The following LMO4 variants were observed in gnomAD, a reference collection of about 807,000 sequenced individuals.
The protein encoded by LMO4 is LIM domain transcription factor LMO4.
A neutral mutation model predicts 18.5 loss-of-function variants in LMO4; 3 were observed. The observed-to-expected ratio is 0.16, with a 90% CI of 0.07 to 0.42. The LOEUF (loss-of-function observed/expected upper bound fraction) is 0.42. Among genes scored for constraint, LMO4 ranks in the 10% least tolerant of loss-of-function variants. The pLI is 0.99. For synonymous variants in LMO4, 100 were observed against 88.1 expected (o/e 1.14, Z -0.76); for missense variants, 121 against 219.9 (o/e 0.55, Z 2.84).
chr1:87,330,617 G>A (rs1650110377), intron 1 of LMO4, among the ~76,000 whole-genome samples: 2 of 152,172 alleles, frequency 1.3e-5, no homozygotes, highest in African/African-American at 4.8e-5. Context: ...AGGAACCCGA[G>A]TCCTTGTTTC....
chr1:87,348,814 C>T lies in LMO4; in HGVS notation c.*4018C>T, dbSNP rs1056645302. ...ATTCTGCTGAGAATGGACGGCAACT[C>T]GGAGGCCTCAAGCCAATAATGTACT... On this transcript the variant is annotated 3_prime_UTR_variant, in exon 5 of 5. Transcript: ENST00000370544. 1.0e-4 allele frequency: 51 copies of T among 490,988 alleles called. No individual in the cohort carries two copies. Among genetic ancestry groups the T allele is most frequent in the South Asian group, 5.3e-4 (36 of 67,932 alleles). The allele number at this position is 490,988 out of a possible 1,614,324, so 30.4% of individuals were successfully genotyped here.
intron 2 of LMO4, among the ~76,000 whole-genome samples, chr1:87,333,755 A>C (rs141484790): frequency 3.3e-5 from 5 of 152,306 alleles, no homozygotes; most frequent in Admixed American, 2.6e-4. Flanking sequence ...ATGTTGGAAA[A>C]TCAGCAGGAA....
chr1:87,348,689 A>G lies in LMO4; in HGVS notation c.*3893A>G. 2.0e-6 allele frequency: 1 copy of G among 504,242 alleles called. No individual in the cohort carries two copies. Among genetic ancestry groups the G allele is most frequent in the Non-Finnish European group, 4.0e-6 (1 of 252,272 alleles). 31.2% of individuals were successfully genotyped at this position (504,242 alleles called of 1,614,324 possible). ...CTGATTTTTGGAAGGTGAACTTGCAACTTACCTCAAGTGAATACTGTTTTC... is the reference window on the plus strand; with the variant it reads ...CTGATTTTTGGAAGGTGAACTTGCAGCTTACCTCAAGTGAATACTGTTTTC... On this transcript the variant is annotated 3_prime_UTR_variant, in exon 5 of 5. Transcript: ENST00000370544.
At position 87,332,272 on chromosome 1, in the gene LMO4, C is replaced by T. The variant is rs538351530; in HGVS notation, c.236+21C>T. Reference sequence around the variant, plus strand: ...ATTAGGTAAGACTTTGCTGTCTTTCCTGGAGATGGGGGGAAGAGCAATGGC... The same window carrying T: ...ATTAGGTAAGACTTTGCTGTCTTTCTTGGAGATGGGGGGAAGAGCAATGGC... On this transcript the variant is annotated intron_variant, in intron 2 of 4. Coordinates refer to ENST00000370544, the MANE Select transcript of LMO4 (RefSeq NM_006769.4). 60 of 1,582,870 alleles carry T rather than the reference C, an allele frequency of 3.8e-5. No individual in the cohort carries two copies. The South Asian group carries it at 6.4e-4, about 17-fold the overall frequency.
intron 2 of LMO4, among the ~76,000 whole-genome samples, chr1:87,333,960 A>C (rs889636403): frequency 9.2e-5 from 14 of 152,052 alleles, no homozygotes; most frequent in African/African-American, 3.4e-4. Context: ...AAAAAACAAA[A>C]AACAAAAAAA....
rs1650172158 is a variant in LMO4, at chr1:87,332,066, C to T, written c.51C>T (p.Ser17=). The T allele has an allele frequency of 6.2e-7, 1 of 1,613,572 alleles. No individual in the cohort carries two copies. Among genetic ancestry groups the T allele is most frequent in the Admixed American group, 1.7e-5 (1 of 60,002 alleles). Residue 17 remains serine (S), a synonymous_variant, in exon 2 of 5, where the codon TCC becomes TCT. Transcript: ENST00000370544. ...SSQPPPVTAG[S]LSWKRCAGCG... ...AGCCGCCCCCGGTGACGGCCGGCTC[C>T]CTCTCCTGGAAGCGGTGCGCAGGCT...
rs576395451 is a variant in LMO4, at chr1:87,339,662, A to T, written c.333+30A>T. 1,319 of 1,427,654 alleles carry T rather than the reference A, an allele frequency of 9.2e-4. 7 individuals carry two copies. The African/African-American group carries it at 0.017, about 18-fold the overall frequency. 88.4% of individuals were successfully genotyped at this position (1,427,654 alleles called of 1,614,324 possible). A position where few individuals can be genotyped will look rare whatever the true frequency, so the allele number is the denominator to read the frequency against. ...TATTTGCATCTCTCTTTTTTTTTTA[A>T]AAAAAAAATCATACCTTTCCTACCT... On this transcript the variant is annotated intron_variant, in intron 3 of 4. Transcript: ENST00000370544.
chr1:87,331,862 C>A (rs987341392), intron 1 of LMO4, 151 bp from the exon 2 acceptor site: 33 of 625,410 alleles, frequency 5.3e-5, no homozygotes, highest in Admixed American at 1.5e-4. Flanking sequence ...CCCTCTCCCC[C>A]TCAGCCTCCT....
At chr1:87,337,144 C>G (rs181866895) in intron 2 of LMO4, among the ~76,000 whole-genome samples, 4 of 152,308 alleles carry the variant, frequency 2.6e-5, no homozygotes, top group African/African-American at 9.6e-5. Context: ...TCCATTGATA[C>G]GTTGTTCAAT....
chr1:87,330,494 AG>A (rs1362570509), intron 1 of LMO4, among the ~76,000 whole-genome samples: 1 of 152,186 alleles, frequency 6.6e-6, no homozygotes, highest in African/African-American at 2.4e-5. Flanking sequence ...CCAAAGTCTC[AG>A]GGTTTTGTTA....
rs139992275 is a variant in LMO4 at position 87,339,578 on chromosome 1, G to T, written c.279G>T (p.Ser93=). 9 of 1,613,810 alleles carry T rather than the reference G, an allele frequency of 5.6e-6. No individual in the cohort carries two copies. The highest frequency in any genetic ancestry group is 5.3e-5 in the African/African-American group (4 of 74,888). ...GTGCTTGCAGCGCTTGCGGACAGTC[G>T]ATTCCTGCGAGTGAACTCGTCATGA... The part of the protein sequence containing the change: ...NSGACSACGQ[S]IPASELVMRA... Residue 93 remains serine, a synonymous_variant, in exon 3 of 5, where the codon TCG becomes TCT. Transcript: ENST00000370544.
At chr1:87,339,761 AT>A in intron 3 of LMO4, 129 bp downstream of exon 3, 1 of 696,216 alleles carries the variant, frequency 1.4e-6, no homozygotes, top group Non-Finnish European at 2.5e-6. Flanking sequence ...AATGATTGAA[AT>A]TGTAGCATGG....
Position 87,348,829 on chromosome 1 carries a change from A to G in LMO4, c.*4033A>G. The G allele has an allele frequency of 2.1e-6, 1 of 481,926 alleles. No individual in the cohort carries two copies. Among genetic ancestry groups the G allele is most frequent in the Non-Finnish European group, 4.2e-6 (1 of 240,538 alleles). 29.9% of individuals were successfully genotyped at this position (481,926 alleles called of 1,614,324 possible). Reference sequence around the variant, plus strand: ...GACGGCAACTCGGAGGCCTCAAGCCAATAATGTACTACAGGCCCTGACATG... The same window carrying G: ...GACGGCAACTCGGAGGCCTCAAGCCGATAATGTACTACAGGCCCTGACATG... On this transcript the variant is annotated 3_prime_UTR_variant, in exon 5 of 5. Coordinates refer to ENST00000370544, the MANE Select transcript of LMO4 (RefSeq NM_006769.4).
chr1:87,330,217 A>G (rs1650095335), intron 1 of LMO4, among the ~76,000 whole-genome samples: 1 of 151,842 alleles, frequency 6.6e-6, no homozygotes, highest in African/African-American at 2.4e-5. Context: ...AAATACATAT[A>G]TATTTACCTC....
chr1:87,337,042 C>G (rs1650336456), intron 2 of LMO4, among the ~76,000 whole-genome samples: 1 of 152,192 alleles, frequency 6.6e-6, no homozygotes, highest in Non-Finnish European at 1.5e-5. Context: ...TAGCCTTCCT[C>G]TCTGGTAAAA....
chr1:87,335,888 G>A (rs1330915455), intron 2 of LMO4, among the ~76,000 whole-genome samples: 2 of 146,546 alleles, frequency 1.4e-5, no homozygotes, highest in Non-Finnish European at 1.5e-5. Context: ...AAAAAAAACA[G>A]GATCTCAAAA....
chr1:87,332,712 TTACA>T lies in LMO4; in HGVS notation c.236+464_236+467del, dbSNP rs201888525. 7.4e-3 allele frequency among the ~76,000 whole-genome samples: 1,135 copies of T among 152,354 alleles called. 20 individuals carry two copies. The highest frequency in any genetic ancestry group is 0.022 in the Admixed American group (340 of 15,308). ...TATGGCGATGGCTTATTAACGATAT[TTACA>T]TAAGCATCTTGAAACTTTTTTGAGC... On this transcript the variant is annotated intron_variant, in intron 2 of 4. Coordinates refer to ENST00000370544, the MANE Select transcript of LMO4 (RefSeq NM_006769.4).
chr1:87,334,594 A>G (rs1037708033), intron 2 of LMO4, among the ~76,000 whole-genome samples: 7 of 152,210 alleles, frequency 4.6e-5, no homozygotes, highest in Non-Finnish European at 1.0e-4. Context: ...CTGAGACCAC[A>G]TAGCGATTTA....
At position 87,344,850 on chromosome 1, in the gene LMO4, G is replaced by A; in HGVS notation, c.*54G>A. 6.3e-7 allele frequency: 1 copy of A among 1,593,202 alleles called. No homozygotes were observed. The highest frequency in any genetic ancestry group is 8.6e-7 in the Non-Finnish European group (1 of 1,161,310). On this transcript the variant is annotated 3_prime_UTR_variant, in exon 5 of 5. Transcript: ENST00000370544. ...TTCATCTCAGATTTGTTCATCACAG[G>A]TGGATCCCATGTGTCTTCAGTAGAC... is the stretch of plus-strand genomic sequence containing the variant.
Sources: allele counts gnomAD v4.1 joint callset (sites outside exome capture counted in the v4.1 genomes callset), GRCh38; gene constraint gnomAD v4.1.1; transcripts MANE v1.5; gene names NCBI Gene and HGNC (gene_info 2026-07-23, HGNC 2026-07-21).